The following NAA11 variants were observed in gnomAD, a reference collection of about 807,000 sequenced individuals.
NAA11 encodes the protein N-alpha-acetyltransferase 11.
A neutral mutation model predicts 16.1 loss-of-function variants in NAA11; 15 were observed. That is an observed-to-expected ratio of 0.93 (90% confidence interval 0.62 to 1.44). The LOEUF is 1.44. Ranked by LOEUF, NAA11 falls within the 40% of genes most tolerant of loss-of-function variation. NAA11 has a pLI of 0.00. For synonymous variants in NAA11, 122 were observed against 112.4 expected (o/e 1.09, Z -0.54); for missense variants, 298 against 291.3 (o/e 1.02, Z -0.17).
chr4:79,256,358 T>C (rs1722106689), intron 2 of NAA11, among the ~76,000 whole-genome samples: 1 of 152,044 alleles, frequency 6.6e-6, no homozygotes, highest in South Asian at 2.1e-4. Flanking sequence ...GCCCTCAATG[T>C]TGCAGTTATA....
chr4:79,251,105 C>T (rs1721982861), intron 2 of NAA11, among the ~76,000 whole-genome samples: 2 of 152,194 alleles, frequency 1.3e-5, no homozygotes, highest in South Asian at 4.1e-4. Context: ...TACCATTTGA[C>T]TCAGCAATTC....
intron 1 of NAA11, among the ~76,000 whole-genome samples, chr4:79,302,795 C>A (rs1448956503): frequency 6.6e-6 from 1 of 151,780 alleles, no homozygotes; most frequent in African/African-American, 2.4e-5. Flanking sequence ...TATGTGTAAT[C>A]CAACCTCAAC....
At chr4:79,208,455 C>T in the NAA11 span, among the ~76,000 whole-genome samples, 7 of 152,230 alleles carry the variant, frequency 4.6e-5, no homozygotes, top group East Asian at 1.4e-3. Context: ...AGATATTTTG[C>T]ATTTCTGACT....
At chr4:79,167,161 T>TATATATATATATATATATATATAG in the NAA11 span, among the ~76,000 whole-genome samples, 1 of 76,862 alleles carries the variant, frequency 1.3e-5, no homozygotes, top group Non-Finnish European at 2.7e-5. Flanking sequence ...TATATGTATA[T>TATATATATATATATATATATATAG]GGAGAGAGAG....
chr4:79,216,441 G>A, the NAA11 span, among the ~76,000 whole-genome samples: 2 of 151,854 alleles, frequency 1.3e-5, no homozygotes, highest in Non-Finnish European at 2.9e-5. Flanking sequence ...TCTTTTTGGT[G>A]GGTAGAGTCA....
rs778859643 is a variant in NAA11, at chr4:79,325,625, C to T, written c.253G>A (p.Gly85Ser). 1.5e-5 allele frequency: 24 copies of T among 1,614,038 alleles called. No individual in the cohort carries two copies. The highest frequency in any genetic ancestry group is 2.0e-5 in the Non-Finnish European group (24 of 1,179,950). Residue 85 changes from glycine (G) to serine (S), a missense_variant, in exon 1 of 2, where the codon GGC (glycine) becomes AGC (serine). Gly to Ser is a moderately conservative substitution (Grantham distance 56). Transcript: ENST00000286794. ...LAVKRSHRRLGLAQKLMDQAS... is the reference protein window; with the variant it reads ...LAVKRSHRRLSLAQKLMDQAS... ...TGGTCCATCAGCTTCTGGGCCAGGCCGAGGCGCCGGTGTGAACGCTTCACG... is the reference window on the plus strand; with the variant it reads ...TGGTCCATCAGCTTCTGGGCCAGGCTGAGGCGCCGGTGTGAACGCTTCACG...
chr4:79,256,016 T>C (rs1269625631), intron 2 of NAA11, among the ~76,000 whole-genome samples: 4 of 152,166 alleles, frequency 2.6e-5, no homozygotes, highest in African/African-American at 9.7e-5. Flanking sequence ...GATTGAAAGC[T>C]GCTTCCACCA....
chr4:79,222,660 A>C (rs1721217255), downstream of NAA11, among the ~76,000 whole-genome samples: 1 of 144,494 alleles, frequency 6.9e-6, no homozygotes, highest in Admixed American at 7.0e-5. Context: ...TAATTAAACT[A>C]AAGAGCTTCT....
chr4:79,169,992 T>C, the NAA11 span, among the ~76,000 whole-genome samples: 1 of 152,206 alleles, frequency 6.6e-6, no homozygotes, highest in African/African-American at 2.4e-5. Context: ...TGACCCTACA[T>C]GCTCTTCTGG....
intron 1 of NAA11, among the ~76,000 whole-genome samples, chr4:79,300,652 C>T (rs4376173): frequency 0.016 from 2,480 of 152,076 alleles, 71 homozygotes; most frequent in African/African-American, 0.056. Context: ...GTAGAGTGAG[C>T]GGTAGGGAGG....
the NAA11 span, among the ~76,000 whole-genome samples, chr4:79,208,448 T>C: frequency 1.3e-5 from 2 of 152,186 alleles, no homozygotes; most frequent in African/African-American, 4.8e-5. Flanking sequence ...CCAATACAGA[T>C]ATTTTGCATT....
chr4:79,248,346 A>G (rs139163287), intron 2 of NAA11, among the ~76,000 whole-genome samples: 189 of 151,500 alleles, frequency 1.2e-3, no homozygotes, highest in South Asian at 7.3e-3. Flanking sequence ...AACCCCCACA[A>G]TCGTTTGATG....
chr4:79,282,219 A>G (rs72664037), intron 2 of NAA11, among the ~76,000 whole-genome samples: 135 of 152,226 alleles, frequency 8.9e-4, no homozygotes, highest in Non-Finnish European at 1.4e-3. Context: ...AAAAGAGTAT[A>G]AAGAGGTGAA....
Position 79,322,505 on chromosome 4 carries a change from G to A in NAA11, c.*12+2671C>T, listed in dbSNP as rs74594683. ...TTTATAGGTGTGTGTGTGTGTGTGT[G>A]TATATATATATATATGGTTTTAAAA... is the stretch of plus-strand genomic sequence containing the variant. On this transcript the variant is annotated intron_variant, in intron 1 of 1. Coordinates refer to ENST00000286794, the MANE Select transcript of NAA11 (RefSeq NM_032693.3). Among the ~76,000 whole-genome samples the A allele has an allele frequency of 5.8e-3, 867 of 150,178 alleles. 12 individuals are homozygous for A. Among genetic ancestry groups the A allele is most frequent in the African/African-American group, 0.018 (756 of 41,020 alleles).
At chr4:79,199,449 A>AG in the NAA11 span, among the ~76,000 whole-genome samples, 1 of 151,888 alleles carries the variant, frequency 6.6e-6, no homozygotes, top group Non-Finnish European at 1.5e-5. Context: ...TGGCATCAGA[A>AG]GGGACTCTGT....
At chr4:79,303,103 T>TATATATAC (rs1723455813) in intron 1 of NAA11, among the ~76,000 whole-genome samples, 2 of 124,294 alleles carry the variant, frequency 1.6e-5, no homozygotes, top group African/African-American at 6.5e-5. Flanking sequence ...TATATATATA[T>TATATATAC]ATATATATAT....
chr4:79,302,541 C>T (rs138788649), intron 1 of NAA11, among the ~76,000 whole-genome samples: 3 of 152,156 alleles, frequency 2.0e-5, no homozygotes, highest in African/African-American at 7.2e-5. Context: ...TTTTTTGTGT[C>T]ATTGCATTGT....
At chr4:79,198,465 T>G in the NAA11 span, among the ~76,000 whole-genome samples, 22 of 151,964 alleles carry the variant, frequency 1.4e-4, no homozygotes, top group Non-Finnish European at 3.1e-4. Flanking sequence ...GACTATCATT[T>G]GTAAACTATA....
At chr4:79,261,690 T>G (rs1326285144) in intron 2 of NAA11, among the ~76,000 whole-genome samples, 1 of 152,204 alleles carries the variant, frequency 6.6e-6, no homozygotes, top group East Asian at 1.9e-4. Flanking sequence ...AATTGTGTTC[T>G]GTGCCATTTA....
Sources: gnomAD v4.1 joint callset for allele counts (sites outside exome capture counted in the v4.1 genomes callset) on GRCh38, gnomAD v4.1.1 for gene constraint, MANE v1.5 for transcripts, NCBI Gene and HGNC (gene_info 2026-07-23, HGNC 2026-07-21) for gene names.